SERPINA6: variants seen among roughly 807,000 people sequenced by gnomAD.
The protein encoded by SERPINA6 is corticosteroid-binding globulin.
In SERPINA6, 19 loss-of-function variants were observed where a neutral mutation model predicts 26.4. That is an observed-to-expected ratio of 0.72 (90% CI 0.50 to 1.06). SERPINA6 has a LOEUF of 1.06. Ranked by LOEUF, SERPINA6 falls within the 50% of genes least tolerant of loss-of-function variation. The pLI, the probability that SERPINA6 is intolerant of heterozygous loss-of-function variation, is 0.00. For synonymous variants in SERPINA6, 196 were observed against 199.4 expected (o/e 0.98, Z 0.14); for missense variants, 473 against 504.0 (o/e 0.94, Z 0.59).
intron 2 of SERPINA6, among the ~76,000 whole-genome samples, chr14:94,311,958 A>T (rs957815649): frequency 8.5e-5 from 13 of 152,096 alleles, no homozygotes; most frequent in African/African-American, 2.9e-4. Context: ...AAAAAAAATA[A>T]AAATAAATAA....
intron 2 of SERPINA6, among the ~76,000 whole-genome samples, chr14:94,310,598 GT>G (rs908038692): frequency 3.3e-5 from 5 of 152,114 alleles, no homozygotes; most frequent in Non-Finnish European, 5.9e-5. Context: ...CATCCAGCTT[GT>G]TTTTTTGCCT....
Position 94,309,793 on chromosome 14 carries a change from A to G in SERPINA6, c.827T>C (p.Val276Ala). Residue 276 changes from valine to alanine, a missense_variant, in exon 3 of 5, where the codon GTC (valine) becomes GCC (alanine). Physicochemically the swap from Val to Ala is moderately conservative, Grantham distance 64. Coordinates refer to ENST00000341584, the MANE Select transcript of SERPINA6 (RefSeq NM_001756.4). ...ILPDKGKMNT[V>A]IAALSRDTIN... Reference sequence around the variant, plus strand: ...CGTGTCCCGGCTCAGTGCAGCGATGACTGTGTTCATCTTCCCCTTGTCCGG... The same window carrying G: ...CGTGTCCCGGCTCAGTGCAGCGATGGCTGTGTTCATCTTCCCCTTGTCCGG... 1 of 1,614,152 alleles carries G rather than the reference A, an allele frequency of 6.2e-7. No individual in the cohort carries two copies. The highest frequency in any genetic ancestry group is 1.1e-5 in the South Asian group (1 of 91,082).
intron 1 of SERPINA6, among the ~76,000 whole-genome samples, chr14:94,319,571 A>G (rs895120693): frequency 2.0e-5 from 3 of 152,236 alleles, no homozygotes; most frequent in Admixed American, 6.5e-5. Context: ...ATGTCTATCA[A>G]TGGATGAATG....
chr14:94,314,128 A>T lies in SERPINA6; in HGVS notation c.521T>A (p.Val174Asp). 1 of 1,614,198 alleles carries T rather than the reference A, an allele frequency of 6.2e-7. No homozygotes were observed. Among genetic ancestry groups the T allele is most frequent in the Non-Finnish European group, 8.5e-7 (1 of 1,180,032 alleles). Residue 174 changes from valine (V) to aspartate (D), a missense_variant, in exon 2 of 5, where the codon GTC becomes GAC. Val to Asp is a radical substitution (Grantham distance 152). Transcript: ENST00000341584. ...ATASRQINSY[V>D]KNKTQGKIVD... Reference sequence around the variant, plus strand: ...AATTTTCCCCTGTGTCTTATTCTTGACATAGCTGTTGATCTGTCTGCTGGC... The same window carrying T: ...AATTTTCCCCTGTGTCTTATTCTTGTCATAGCTGTTGATCTGTCTGCTGGC...
At chr14:94,315,423 T>A (rs559328462) in intron 1 of SERPINA6, among the ~76,000 whole-genome samples, 21 of 152,346 alleles carry the variant, frequency 1.4e-4, no homozygotes, top group African/African-American at 5.1e-4. Context: ...CTCTATTGTT[T>A]TTCTATTCTT....
chr14:94,322,566 T>TAAAAAA (rs1895698745), intron 1 of SERPINA6, among the ~76,000 whole-genome samples: 15 of 151,750 alleles, frequency 9.9e-5, no homozygotes, highest in Admixed American at 9.8e-4. Flanking sequence ...AAATGCAGAG[T>TAAAAAA]ATCAATATTA....
Position 94,309,821 on chromosome 14 carries a change from G to T in SERPINA6, c.799C>A (p.Leu267Ile), listed in dbSNP as rs1895499964. ...YVGNGTVFFI[L>I]PDKGKMNTVI... ...GTGTTCATCTTCCCCTTGTCCGGAA[G>T]GATGAAGAAGACAGTCCCATTGCCC... Residue 267 changes from leucine (L) to isoleucine (I), a missense_variant, in exon 3 of 5, where the codon CTT becomes ATT. By Grantham distance (5) the Leu-to-Ile change is conservative. Transcript: ENST00000341584. The T allele has an allele frequency of 6.2e-7, 1 of 1,614,088 alleles. No individual in the cohort carries two copies. The highest frequency in any genetic ancestry group is 8.5e-7 in the Non-Finnish European group (1 of 1,180,040).
chr14:94,314,061 GA>G lies in SERPINA6; in HGVS notation c.587del (p.Val196AlafsTer34). ...CTTTGAAGAAGATATAGTTGACCAG[GA>G]CGAGGATGGCTGGGCTATCCAGCCC... ...FSGLDSPAILVLVNYIFFKGT... is the reference protein window; with the variant it reads ...FSGLDSPAILXLVNYIFFKGT... On this transcript the variant is annotated frameshift_variant, in exon 2 of 5. Coordinates refer to ENST00000341584, the MANE Select transcript of SERPINA6 (RefSeq NM_001756.4). LOFTEE classifies it high-confidence loss of function. 6.2e-7 allele frequency: 1 copy of G among 1,614,172 alleles called. No individual in the cohort carries two copies. Among genetic ancestry groups the G allele is most frequent in the Non-Finnish European group, 8.5e-7 (1 of 1,180,036 alleles).
At chr14:94,311,223 CGTCT>C (rs1292332298) in intron 2 of SERPINA6, among the ~76,000 whole-genome samples, 1 of 152,132 alleles carries the variant, frequency 6.6e-6, no homozygotes, top group Admixed American at 6.5e-5. Flanking sequence ...ACTCACCGTC[CGTCT>C]GTCTCACGGC....
intron 1 of SERPINA6, among the ~76,000 whole-genome samples, chr14:94,321,371 G>A (rs1895683263): frequency 2.0e-5 from 3 of 152,166 alleles, no homozygotes; most frequent in Non-Finnish European, 4.4e-5. Context: ...AGCCCAGGGG[G>A]TCTTTGTGAC....
At chr14:94,313,662 C>A (rs1424768124) in intron 2 of SERPINA6, among the ~76,000 whole-genome samples, 1 of 152,132 alleles carries the variant, frequency 6.6e-6, no homozygotes, top group African/African-American at 2.4e-5. Flanking sequence ...GCTTTGGGGG[C>A]ATCTGGGAGT....
At chr14:94,318,294 C>T (rs1455108612) in intron 1 of SERPINA6, among the ~76,000 whole-genome samples, 1 of 152,142 alleles carries the variant, frequency 6.6e-6, no homozygotes, top group African/African-American at 2.4e-5. Flanking sequence ...AATTCCAGTT[C>T]TGTATTTCAC....
At chr14:94,322,826 C>G (rs1303376185) in intron 1 of SERPINA6, among the ~76,000 whole-genome samples, 2 of 152,166 alleles carry the variant, frequency 1.3e-5, no homozygotes, top group African/African-American at 4.8e-5. Context: ...CAGAAGAATA[C>G]CCCTGCACTG....
At chr14:94,319,597 G>A (rs1299022332) in intron 1 of SERPINA6, among the ~76,000 whole-genome samples, 1 of 152,106 alleles carries the variant, frequency 6.6e-6, no homozygotes, top group Admixed American at 6.6e-5. Context: ...ACAAAGTCTG[G>A]TATAAACATA....
At chr14:94,317,304 A>C (rs1326360517) in intron 1 of SERPINA6, among the ~76,000 whole-genome samples, 1 of 152,222 alleles carries the variant, frequency 6.6e-6, no homozygotes, top group Non-Finnish European at 1.5e-5. Context: ...GTGCAGAAAA[A>C]AGTATTTGAC....
At chr14:94,315,101 A>G (rs1895595017) in intron 1 of SERPINA6, among the ~76,000 whole-genome samples, 1 of 152,240 alleles carries the variant, frequency 6.6e-6, no homozygotes, top group South Asian at 2.1e-4. Context: ...GCTTTTTTCC[A>G]CAATACCTAC....
intron 1 of SERPINA6, among the ~76,000 whole-genome samples, chr14:94,322,880 T>C (rs1196663099): frequency 6.6e-6 from 1 of 152,200 alleles, no homozygotes; most frequent in Non-Finnish European, 1.5e-5. Context: ...GCCAGCATCC[T>C]TCATCGGTGG....
In SERPINA6 at chr14:94,316,073, C is replaced by T. The variant is rs74494459; in HGVS notation, c.-19-1406G>A. ...TTTTGGTATGTTGTGTTTCCATTTT[C>T]GTTTGTCTTTAAGTATTTTCTAATT... On this transcript the variant is annotated intron_variant, in intron 1 of 4. Coordinates refer to ENST00000341584, the MANE Select transcript of SERPINA6 (RefSeq NM_001756.4). 3.3e-3 allele frequency among the ~76,000 whole-genome samples: 495 copies of T among 152,212 alleles called. 10 individuals carry two copies. The South Asian group carries it at 0.062, about 19-fold the overall frequency.
chr14:94,311,895 C>T (rs547261666), intron 2 of SERPINA6, among the ~76,000 whole-genome samples: 1 of 152,176 alleles, frequency 6.6e-6, no homozygotes, highest in Non-Finnish European at 1.5e-5. Context: ...TTGCAGTGAG[C>T]CAAGATTCTG....
Sources: allele counts gnomAD v4.1 joint callset (sites outside exome capture counted in the v4.1 genomes callset), GRCh38; gene constraint gnomAD v4.1.1; transcripts MANE v1.5; gene names NCBI Gene and HGNC (gene_info 2026-07-23, HGNC 2026-07-21).